The following ARHGAP6 variants were observed in gnomAD, a reference collection of about 807,000 sequenced individuals.
The protein encoded by ARHGAP6 is rho GTPase-activating protein 6.
A neutral mutation model predicts 55.7 loss-of-function variants in ARHGAP6; 16 were observed. The ratio of observed to expected loss-of-function variants is 0.29; its 90% confidence interval spans 0.19 to 0.44. The LOEUF (loss-of-function observed/expected upper bound fraction) is 0.44, where lower values mean the gene tolerates loss of function less well. Ranked by LOEUF, ARHGAP6 falls within the 20% of genes least tolerant of loss-of-function variation. The pLI is 1.00. For missense variants in ARHGAP6, 698 were observed against 808.9 expected (o/e 0.86, Z 1.66); for synonymous variants, 382 against 360.9 (o/e 1.06, Z -0.66).
chrX:11,266,126 A>G (rs1305680483), intron 1 of ARHGAP6, among the ~76,000 whole-genome samples: 1 of 104,190 alleles, frequency 9.6e-6, no homozygotes, highest in Non-Finnish European at 2.0e-5. Flanking sequence ...GGGGAGGAGG[A>G]AAGAGGGGAG....
chrX:11,288,478 AAT>A (rs1443822251), intron 1 of ARHGAP6, among the ~76,000 whole-genome samples: 1 of 112,158 alleles, frequency 8.9e-6, no homozygotes, highest in Admixed American at 9.5e-5. Context: ...TACCATATAT[AAT>A]ATGTGTCCTT....
At chrX:11,297,727 G>T (rs972025472) in intron 1 of ARHGAP6, among the ~76,000 whole-genome samples, 8 of 112,211 alleles carry the variant, frequency 7.1e-5, no homozygotes, top group African/African-American at 2.6e-4. Flanking sequence ...GAACCGAAAA[G>T]ATTGACACAT....
At chrX:11,438,738 G>A (rs1259869810) in intron 1 of ARHGAP6, among the ~76,000 whole-genome samples, 1 of 112,458 alleles carries the variant, frequency 8.9e-6, no homozygotes, top group Non-Finnish European at 1.9e-5. Context: ...GGGGTTCCTG[G>A]CAAAATTCCT....
At chrX:11,161,356 T>A (rs1398846098) in intron 9 of ARHGAP6, among the ~76,000 whole-genome samples, 2 of 111,706 alleles carry the variant, frequency 1.8e-5, no homozygotes, top group Non-Finnish European at 3.8e-5. Flanking sequence ...TTGAAATAAG[T>A]AAGAAAGAAA....
At position 11,477,171 on chromosome X, in the gene ARHGAP6, AAAAC is replaced by A. The variant is rs200057057; in HGVS notation, c.588+187066_588+187069del. Among the ~76,000 whole-genome samples the A allele has an allele frequency of 5.0e-3, 533 of 106,958 alleles. 2 individuals are homozygous for A. The highest frequency in any genetic ancestry group is 0.019 in the Middle Eastern group (4 of 206). 92.9% of individuals were successfully genotyped at this position (106,958 alleles called of 115,157 possible). ...GAACTTCAAATATGATAAAAAAAAAAAAACAATTTTTCAAGCTGGTAAAAGATTT... is the reference window on the plus strand; with the variant it reads ...GAACTTCAAATATGATAAAAAAAAAAAATTTTTCAAGCTGGTAAAAGATTT... On this transcript the variant is annotated intron_variant, in intron 1 of 12. Transcript: ENST00000337414.
At chrX:11,203,928 C>T (rs745912493) in intron 2 of ARHGAP6, among the ~76,000 whole-genome samples, 1 of 111,948 alleles carries the variant, frequency 8.9e-6, no homozygotes, top group South Asian at 3.7e-4. Flanking sequence ...TTCTTCCTGG[C>T]TCTACTTCCT....
In ARHGAP6 at chrX:11,398,262, T is replaced by TAAA. The variant is rs60548732; in HGVS notation, c.589-143558_589-143556dup. 9.7e-4 allele frequency among the ~76,000 whole-genome samples: 57 copies of TAAA among 58,795 alleles called. 1 individual carries two copies. The highest frequency in any genetic ancestry group is 3.4e-3 in the South Asian group (4 of 1,194). The allele number at this position is 58,795 out of a possible 115,157, so 51.1% of individuals were successfully genotyped here. A position where few individuals can be genotyped will look rare whatever the true frequency, so the allele number is the denominator to read the frequency against. On this transcript the variant is annotated intron_variant, in intron 1 of 12. Coordinates refer to ENST00000337414, the MANE Select transcript of ARHGAP6 (RefSeq NM_013427.3). ...AATAGTAAGGACTGCGTAAGTGCTA[T>TAAA]AAAAAAAAAAAAAAAAAAAAAGAAA...
chrX:11,573,211 T>A (rs1452924409), intron 1 of ARHGAP6, among the ~76,000 whole-genome samples: 1 of 110,187 alleles, frequency 9.1e-6, no homozygotes, highest in Non-Finnish European at 1.9e-5. Flanking sequence ...TTGTCAATTT[T>A]GGCTTTTGTT....
chrX:11,416,754 C>T (rs1295795919), intron 1 of ARHGAP6, among the ~76,000 whole-genome samples: 2 of 110,091 alleles, frequency 1.8e-5, no homozygotes, highest in Non-Finnish European at 3.8e-5. Flanking sequence ...ATGCAGGACT[C>T]GTGTTTATCC....
At chrX:11,410,377 C>A (rs1398750658) in intron 1 of ARHGAP6, among the ~76,000 whole-genome samples, 1 of 112,342 alleles carries the variant, frequency 8.9e-6, no homozygotes, top group African/African-American at 3.2e-5. Flanking sequence ...TCACAAAGGA[C>A]CACGTATTGT....
At chrX:11,168,272 A>G (rs1412437549) in intron 9 of ARHGAP6, among the ~76,000 whole-genome samples, 1 of 112,526 alleles carries the variant, frequency 8.9e-6, no homozygotes, top group Non-Finnish European at 1.9e-5. Context: ...CTGACTTTTG[A>G]GGCAGCACGT....
At chrX:11,193,701 A>G (rs185934262) in intron 3 of ARHGAP6, among the ~76,000 whole-genome samples, 2 of 112,711 alleles carry the variant, frequency 1.8e-5, no homozygotes, top group East Asian at 5.6e-4. Context: ...GAGGCACTAT[A>G]GAACATTTCA....
intron 1 of ARHGAP6, among the ~76,000 whole-genome samples, chrX:11,543,839 A>G (rs2051185656): frequency 8.9e-6 from 1 of 112,483 alleles, no homozygotes; most frequent in South Asian, 3.7e-4. Context: ...AGAGGGACAG[A>G]AAGAGTTTTA....
At chrX:11,480,694 C>G (rs927941691) in intron 1 of ARHGAP6, among the ~76,000 whole-genome samples, 1 of 112,157 alleles carries the variant, frequency 8.9e-6, no homozygotes, top group Non-Finnish European at 1.9e-5. Flanking sequence ...TTTCCTCCCC[C>G]CAGTCTTTTT....
At chrX:11,377,164 G>A (rs945853632) in intron 1 of ARHGAP6, among the ~76,000 whole-genome samples, 18 of 112,202 alleles carry the variant, frequency 1.6e-4, no homozygotes, top group African/African-American at 5.5e-4. Context: ...TTGTTGTTCT[G>A]CTTTCCCAGA....
chrX:11,658,829 A>T (rs142533433), intron 1 of ARHGAP6, among the ~76,000 whole-genome samples: 11 of 109,047 alleles, frequency 1.0e-4, no homozygotes, highest in Non-Finnish European at 1.5e-4. Context: ...AGCACTATTG[A>T]CATTTTATGT....
intron 4 of ARHGAP6, among the ~76,000 whole-genome samples, chrX:11,187,957 G>A (rs973019381): frequency 2.4e-4 from 27 of 111,809 alleles, no homozygotes; most frequent in Non-Finnish European, 1.3e-4. Flanking sequence ...ACTTGAGCCC[G>A]GGAGATTGAA....
At chrX:11,462,480 A>C (rs2050254537) in intron 1 of ARHGAP6, among the ~76,000 whole-genome samples, 1 of 112,387 alleles carries the variant, frequency 8.9e-6, no homozygotes, top group Non-Finnish European at 1.9e-5. Context: ...GTCTGAAAAC[A>C]CTTTCCAAAT....
In ARHGAP6 at chrX:11,207,548, G is replaced by T. The variant is rs771682332; in HGVS notation, c.749-10552C>A. 2.7e-5 allele frequency among the ~76,000 whole-genome samples: 3 copies of T among 111,560 alleles called. No individual in the cohort carries two copies. The South Asian group carries it at 1.1e-3, about 42-fold the overall frequency. ...GGTTCTACACTGGCTCTATCTATGG[G>T]TCACTGCATCTGTTCTACACTGGCT... On this transcript the variant is annotated intron_variant, in intron 2 of 12. Transcript: ENST00000337414.
Sources: allele counts gnomAD v4.1 joint callset (sites outside exome capture counted in the v4.1 genomes callset), GRCh38; gene constraint gnomAD v4.1.1; transcripts MANE v1.5; gene names NCBI Gene and HGNC (gene_info 2026-07-23, HGNC 2026-07-21).